The following OPCML variants were observed in gnomAD, a reference collection of about 807,000 sequenced individuals.
OPCML encodes opioid binding protein/cell adhesion molecule like.
OPCML carries 13 observed loss-of-function variants against 37.8 expected under a neutral mutation model. The ratio of observed to expected loss-of-function variants is 0.34; its 90% CI spans 0.22 to 0.55. The LOEUF (loss-of-function observed/expected upper bound fraction) is 0.55. OPCML is among the 20% of genes least tolerant of loss of function. The pLI is 0.91. For missense variants in OPCML, 341 were observed against 435.6 expected, an observed-to-expected ratio of 0.78 and a Z score of 1.93; for synonymous variants, 176 against 168.8, an observed-to-expected ratio of 1.04 and a Z score of -0.33.
Position 133,517,933 on chromosome 11 carries a change from G to T in OPCML, c.61+14331C>A, listed in dbSNP as rs567659853. Among the ~76,000 whole-genome samples, 259 of 152,280 alleles carry T rather than the reference G, an allele frequency of 1.7e-3. 1 individual carries two copies. The highest frequency in any genetic ancestry group is 5.6e-3 in the African/African-American group (234 of 41,548). ...CACAGAATGGGCAAGGAGGATGACT[G>T]GGGTCCTAAATTTCTCCATTTCTGA... On this transcript the variant is annotated intron_variant, in intron 1 of 7. Transcript: ENST00000524381.
intron 4 of OPCML, among the ~76,000 whole-genome samples, chr11:132,492,030 G>T (rs767895918): frequency 2.4e-4 from 36 of 150,626 alleles, no homozygotes; most frequent in Non-Finnish European, 4.4e-4. Context: ...TGAGCCATTT[G>T]CACAGGGAGA....
chr11:132,715,690 C>T (rs1403767665), intron 2 of OPCML, among the ~76,000 whole-genome samples: 1 of 152,206 alleles, frequency 6.6e-6, no homozygotes, highest in African/African-American at 2.4e-5. Flanking sequence ...GTCCTCAAGA[C>T]ACCTCAGCTA....
At chr11:133,217,935 A>C (rs897281114) in intron 1 of OPCML, among the ~76,000 whole-genome samples, 3 of 151,910 alleles carry the variant, frequency 2.0e-5, no homozygotes, top group African/African-American at 7.3e-5. Context: ...GGTCCCAGCT[A>C]CCTGGGAGGC....
At chr11:132,507,521 G>T (rs575213006) in intron 4 of OPCML, among the ~76,000 whole-genome samples, 1 of 151,474 alleles carries the variant, frequency 6.6e-6, no homozygotes, top group South Asian at 2.1e-4. Flanking sequence ...GACAACTATC[G>T]AACAGTTATC....
At chr11:132,573,630 T>C (rs932891214) in intron 3 of OPCML, among the ~76,000 whole-genome samples, 3 of 152,040 alleles carry the variant, frequency 2.0e-5, no homozygotes, top group Non-Finnish European at 2.9e-5. Context: ...CAATTTGGTT[T>C]GCTAACATTT....
intron 1 of OPCML, among the ~76,000 whole-genome samples, chr11:133,029,824 T>C (rs1947632460): frequency 1.3e-5 from 2 of 151,108 alleles, no homozygotes; most frequent in African/African-American, 4.9e-5. Flanking sequence ...TATATATTCT[T>C]GTAACAAACC....
intron 1 of OPCML, among the ~76,000 whole-genome samples, chr11:133,507,824 G>A (rs1159826086): frequency 6.6e-6 from 1 of 151,882 alleles, no homozygotes; most frequent in Non-Finnish European, 1.5e-5. Flanking sequence ...ACGGGCCCCT[G>A]TAATCCCAGC....
chr11:133,306,980 G>C (rs149396292), intron 1 of OPCML, among the ~76,000 whole-genome samples: 5 of 152,136 alleles, frequency 3.3e-5, no homozygotes, highest in Admixed American at 6.5e-5. Flanking sequence ...CCTGTACCAC[G>C]AATGTAGTGG....
chr11:132,989,713 G>T (rs1169426892), intron 1 of OPCML, among the ~76,000 whole-genome samples: 2 of 151,610 alleles, frequency 1.3e-5, no homozygotes, highest in Non-Finnish European at 2.9e-5. Context: ...AATAAAAAGG[G>T]GCTCAAACAT....
At chr11:132,442,889 C>A (rs937103797) in intron 4 of OPCML, among the ~76,000 whole-genome samples, 1 of 152,122 alleles carries the variant, frequency 6.6e-6, no homozygotes, top group Non-Finnish European at 1.5e-5. Flanking sequence ...TCCCCAGTCT[C>A]GGGTGTGTCT....
chr11:132,603,816 G>T (rs1938088151), intron 3 of OPCML, among the ~76,000 whole-genome samples: 1 of 152,024 alleles, frequency 6.6e-6, no homozygotes, highest in Non-Finnish European at 1.5e-5. Flanking sequence ...CTCTTTAATT[G>T]TACTATATCT....
chr11:132,631,938 G>A (rs564816943), intron 3 of OPCML, among the ~76,000 whole-genome samples: 5 of 152,080 alleles, frequency 3.3e-5, no homozygotes, highest in South Asian at 2.1e-4. Context: ...CAGGACATCT[G>A]TGAGACCCTA....
chr11:132,777,890 C>A (rs1018989583), intron 2 of OPCML, among the ~76,000 whole-genome samples: 1 of 152,118 alleles, frequency 6.6e-6, no homozygotes, highest in Non-Finnish European at 1.5e-5. Flanking sequence ...TGAGATAAAC[C>A]TTTTCTCTCT....
intron 2 of OPCML, among the ~76,000 whole-genome samples, chr11:132,909,057 A>C (rs1050840638): frequency 6.6e-6 from 1 of 152,190 alleles, no homozygotes; most frequent in African/African-American, 2.4e-5. Context: ...AGACAGAAGC[A>C]TCAGTGCGGG....
chr11:132,992,180 CAA>C (rs2136821015), intron 1 of OPCML, among the ~76,000 whole-genome samples: 2 of 152,128 alleles, frequency 1.3e-5, no homozygotes, highest in South Asian at 4.2e-4. Context: ...GAAAGCCCTC[CAA>C]GGCTTGGCTT....
intron 2 of OPCML, among the ~76,000 whole-genome samples, chr11:132,675,618 A>T (rs961753408): frequency 6.6e-6 from 1 of 152,190 alleles, no homozygotes; most frequent in African/African-American, 2.4e-5. Flanking sequence ...ATCAATATAT[A>T]AAAATTAACT....
chr11:132,694,179 C>T (rs374301089), intron 2 of OPCML, among the ~76,000 whole-genome samples: 544 of 42,952 alleles, frequency 0.013, 9 homozygotes, highest in African/African-American at 0.046. Context: ...AAATCAATGT[C>T]TTTTTTTTTT....
intron 1 of OPCML, among the ~76,000 whole-genome samples, chr11:133,091,832 T>C (rs1428100617): frequency 6.6e-6 from 1 of 152,156 alleles, no homozygotes; most frequent in African/African-American, 2.4e-5. Flanking sequence ...AGACTTTAGA[T>C]TTTAGAATTT....
intron 1 of OPCML, among the ~76,000 whole-genome samples, chr11:133,029,656 G>C (rs1305161055): frequency 6.6e-6 from 1 of 152,140 alleles, no homozygotes; most frequent in African/African-American, 2.4e-5. Flanking sequence ...ACTTGTAAGT[G>C]AGAGCTAACC....
Sources: allele counts gnomAD v4.1 joint callset (sites outside exome capture counted in the v4.1 genomes callset), GRCh38; gene constraint gnomAD v4.1.1; transcripts MANE v1.5; gene names NCBI Gene and HGNC (gene_info 2026-07-23, HGNC 2026-07-21).